Variants in ADAR observed in about 807,000 individuals in gnomAD.
The protein encoded by ADAR is double-stranded RNA-specific adenosine deaminase.
In ADAR, 41 loss-of-function variants were observed where a neutral mutation model predicts 113.2. The observed-to-expected ratio is 0.36, with a 90% CI of 0.28 to 0.47. ADAR has a LOEUF of 0.47. Ranked by LOEUF, ADAR falls within the 20% of genes least tolerant of loss-of-function variation. The probability of loss-of-function intolerance (pLI) is 1.00; values close to 1 mark genes in which losing one functional copy is unlikely to be tolerated. For missense variants in ADAR, 1,242 were observed against 1,540.9 expected, an observed-to-expected ratio of 0.81 and a Z score of 3.25; for synonymous variants, 605 against 572.6, an observed-to-expected ratio of 1.06 and a Z score of -0.81.
upstream of ADAR, among the ~76,000 whole-genome samples, chr1:154,610,577 G>A (rs1571137154): frequency 2.6e-5 from 4 of 152,080 alleles, no homozygotes; most frequent in African/African-American, 7.2e-5. Context: ...TTGGGAGGCC[G>A]AGGTGGGCGG....
At chr1:154,621,054 TTATC>T (rs1434092679) in intron 1 of ADAR, among the ~76,000 whole-genome samples, 14 of 152,200 alleles carry the variant, frequency 9.2e-5, no homozygotes, top group African/African-American at 3.4e-4. Flanking sequence ...AAAATTATGA[TTATC>T]TATATATGTG....
chr1:154,583,691 G>GT lies in ADAR; in HGVS notation c.*1114dup, dbSNP rs1696553816. The GT allele has an allele frequency of 1.3e-5, 2 of 152,342 alleles. No homozygotes were observed. 9.4% of individuals were successfully genotyped at this position (152,342 alleles called of 1,614,324 possible). ...GCTCAATTACAGGTTATCTGTAGCA[G>GT]TTAAGAATCAACATCTATGGCATTC... On this transcript the variant is annotated 3_prime_UTR_variant, in exon 15 of 15. Coordinates refer to ENST00000368474, the MANE Select transcript of ADAR (RefSeq NM_001111.5).
chr1:154,602,848 G>C (rs954205550), intron 1 of ADAR, among the ~76,000 whole-genome samples: 1 of 152,184 alleles, frequency 6.6e-6, no homozygotes, highest in Admixed American at 6.5e-5. Context: ...AAAGCACGCA[G>C]AACTTCCAGG....
chr1:154,587,301 T>C (rs746699151), intron 11 of ADAR, among the ~76,000 whole-genome samples: 1 of 152,238 alleles, frequency 6.6e-6, no homozygotes, highest in Non-Finnish European at 1.5e-5. Context: ...AGTGCATCCA[T>C]ATTGTAAGCA....
chr1:154,627,888 A>T (rs752851879), exon 1 of ADAR: 17 of 517,886 alleles, frequency 3.3e-5, no homozygotes, highest in South Asian at 2.2e-4. Context: ...ACGGCCGGAC[A>T]CCCGGAGACT....
intron 1 of ADAR, among the ~76,000 whole-genome samples, chr1:154,626,095 A>G (rs1166587290): frequency 6.7e-6 from 1 of 149,590 alleles, no homozygotes; most frequent in East Asian, 2.0e-4. Context: ...AATAAAATAA[A>G]ATGAGAAGCT....
At chr1:154,597,039 G>A in intron 5 of ADAR, 44 bp from the exon 6 acceptor site, 2 of 1,614,000 alleles carry the variant, frequency 1.2e-6, no homozygotes, top group Non-Finnish European at 1.7e-6. Context: ...AACACTTCAG[G>A]AAATGTTGAG....
chr1:154,610,841 A>AAAAAAAAAAAAAAT (rs1698465694), upstream of ADAR, among the ~76,000 whole-genome samples: 1 of 145,878 alleles, frequency 6.9e-6, no homozygotes, highest in Non-Finnish European at 1.5e-5. Flanking sequence ...AAAAAAAAAA[A>AAAAAAAAAAAAAAT]GACAAAATTG....
rs1571113155 is a variant in ADAR at position 154,602,534 on chromosome 1, G to A, written c.108C>T (p.Pro36=). Residue 36 remains proline (P), a synonymous_variant, in exon 2 of 15, where the codon CCC becomes CCT. Transcript: ENST00000368474. The part of the protein sequence containing the change: ...RYQQPGPGSS[P]SSFLLKQIEF... ...CTATTTGCTTAAGCAGGAAACTACT[G>A]GGGGAAGATCCTGGCCCAGGCTGCT... 4.3e-6 allele frequency: 7 copies of A among 1,614,094 alleles called. No homozygotes were observed. In the Admixed American group the frequency reaches 1.2e-4, roughly 27 times the overall value.
intron 1 of ADAR, among the ~76,000 whole-genome samples, chr1:154,626,725 A>G (rs1366729336): frequency 6.6e-6 from 1 of 152,198 alleles, no homozygotes; most frequent in Non-Finnish European, 1.5e-5. Flanking sequence ...GATAAGCCCA[A>G]GTAGGAGTGG....
intron 1 of ADAR, among the ~76,000 whole-genome samples, chr1:154,613,281 CTTTTTT>C (rs56126079): frequency 2.4e-5 from 2 of 84,666 alleles, no homozygotes; most frequent in Non-Finnish European, 4.3e-5. Context: ...TCACAAATGG[CTTTTTT>C]TTTTTTTTTT....
intron 1 of ADAR, among the ~76,000 whole-genome samples, chr1:154,627,578 A>G (rs1230841987): frequency 6.6e-6 from 1 of 152,230 alleles, no homozygotes; most frequent in Non-Finnish European, 1.5e-5. Context: ...GCGCCGGAGC[A>G]TCCGTGCGCA....
Position 154,584,352 on chromosome 1 carries a change from AG to A in ADAR, c.*453del, listed in dbSNP as rs34148770. ...AAGGAAAGAATCTCAGAAGGGAAAG[AG>A]GGGAAGTAGAGGGGTCTGCGTAATC... On this transcript the variant is annotated 3_prime_UTR_variant, in exon 15 of 15. Transcript: ENST00000368474. 7.3e-3 allele frequency: 1,173 copies of A among 159,952 alleles called. 17 individuals carry two copies. The highest frequency in any genetic ancestry group is 0.026 in the African/African-American group (1,063 of 41,596). The allele number at this position is 159,952 out of a possible 1,614,324, so 9.9% of individuals were successfully genotyped here.
intron 1 of ADAR, among the ~76,000 whole-genome samples, chr1:154,614,339 G>A (rs1698575034): frequency 6.6e-6 from 1 of 152,316 alleles, no homozygotes; most frequent in South Asian, 2.1e-4. Flanking sequence ...CAGAGGTTCC[G>A]CTACTGGCCT....
At position 154,597,133 on chromosome 1, in the gene ADAR, G is replaced by C; in HGVS notation, c.2069C>G (p.Ser690Cys). ...LHGEATNSMA[S>C]DNQPEGMISE... The stretch of plus-strand genomic sequence containing the variant: ...AGGAAAACGCCCTACCTGGTTATCA[G>C]AAGCCATGGAGTTGGTCGCCTCCCC... Residue 690 changes from serine (S) to cysteine (C), a missense_variant, in exon 5 of 15, where the codon TCT becomes TGT. Coordinates refer to ENST00000368474, the MANE Select transcript of ADAR (RefSeq NM_001111.5). 4 of 1,614,178 alleles carry C rather than the reference G, an allele frequency of 2.5e-6. No homozygotes were observed. Among genetic ancestry groups the C allele is most frequent in the Non-Finnish European group, 3.4e-6 (4 of 1,180,036 alleles).
intron 8 of ADAR, 121 bp from the exon 9 acceptor site, chr1:154,589,583 T>G: frequency 8.6e-7 from 1 of 1,165,686 alleles, no homozygotes; most frequent in East Asian, 2.4e-5. Context: ...GATCCTAGAC[T>G]CCCATATTCT....
chr1:154,605,069 G>C (rs1207616503), intron 1 of ADAR, among the ~76,000 whole-genome samples: 3 of 152,176 alleles, frequency 2.0e-5, no homozygotes, highest in Non-Finnish European at 4.4e-5. Flanking sequence ...CGTCATCTTT[G>C]CTGCCCGCCT....
rs1232376686 is a variant in ADAR, at chr1:154,602,230, C to T, written c.412G>A (p.Asp138Asn). The T allele has an allele frequency of 1.1e-5, 18 of 1,614,092 alleles. No homozygotes were observed. The highest frequency in any genetic ancestry group is 1.5e-5 in the Non-Finnish European group (18 of 1,180,046). The part of the protein sequence containing the change: ...SHFQELSIYQ[D>N]QEQRILKFLE... Reference sequence around the variant, plus strand: ...AACTTTAAGATCCTTTGTTCCTGATCTTGGTAGATACTCAGTTCCTGGAAA... The same window carrying T: ...AACTTTAAGATCCTTTGTTCCTGATTTTGGTAGATACTCAGTTCCTGGAAA... Residue 138 changes from aspartate (D) to asparagine (N), a missense_variant, in exon 2 of 15, where the codon GAT becomes AAT. Coordinates refer to ENST00000368474, the MANE Select transcript of ADAR (RefSeq NM_001111.5).
At chr1:154,599,079 C>T (rs746743762) in intron 2 of ADAR, among the ~76,000 whole-genome samples, 1 of 152,186 alleles carries the variant, frequency 6.6e-6, no homozygotes, top group Non-Finnish European at 1.5e-5. Flanking sequence ...TATCAGTGGC[C>T]TGCTTTTGTC....
Sources: allele counts gnomAD v4.1 joint callset (sites outside exome capture counted in the v4.1 genomes callset), GRCh38; gene constraint gnomAD v4.1.1; transcripts MANE v1.5; gene names NCBI Gene and HGNC (gene_info 2026-07-23, HGNC 2026-07-21).